SEMA6D: variants seen among roughly 807,000 people sequenced by gnomAD.
The protein encoded by SEMA6D is semaphorin 6D.
In SEMA6D, 35 loss-of-function variants were observed where a neutral mutation model predicts 106.6. That is an observed-to-expected ratio of 0.33 (90% CI 0.25 to 0.44). The LOEUF (loss-of-function observed/expected upper bound fraction) is 0.44. Among genes scored for constraint, SEMA6D ranks in the 20% least tolerant of loss-of-function variants. The pLI, the probability that SEMA6D is intolerant of heterozygous loss-of-function variation, is 1.00. For synonymous variants in SEMA6D, 499 were observed against 487.7 expected, an observed-to-expected ratio of 1.02 and a Z score of -0.31; for missense variants, 1,185 against 1,345.9, an observed-to-expected ratio of 0.88 and a Z score of 1.87.
chr15:47,494,636 G>T (rs1196765953), intron 3 of SEMA6D, among the ~76,000 whole-genome samples: 2 of 149,678 alleles, frequency 1.3e-5, no homozygotes, highest in South Asian at 2.1e-4. Context: ...AGTTGCTGAA[G>T]GATTTGGCAG....
chr15:47,206,506 ATGAAC>A (rs1895074289), intron 1 of SEMA6D, among the ~76,000 whole-genome samples: 1 of 152,160 alleles, frequency 6.6e-6, no homozygotes. Context: ...TCACCCTGAA[ATGAAC>A]TATCAGCTTC....
chr15:47,345,462 G>GT (rs1229979085), intron 1 of SEMA6D, among the ~76,000 whole-genome samples: 1 of 151,926 alleles, frequency 6.6e-6, no homozygotes, highest in African/African-American at 2.4e-5. Context: ...AGAAAGTACA[G>GT]TTTTTTTCAA....
intron 3 of SEMA6D, among the ~76,000 whole-genome samples, chr15:47,552,460 G>A (rs1596303751): frequency 6.7e-6 from 1 of 150,120 alleles, no homozygotes; most frequent in African/African-American, 2.4e-5. Context: ...TCAAGAAAAT[G>A]GCAATGTATG....
intron 1 of SEMA6D, among the ~76,000 whole-genome samples, chr15:47,327,153 C>A (rs912145181): frequency 6.6e-6 from 1 of 152,130 alleles, no homozygotes; most frequent in Non-Finnish European, 1.5e-5. Flanking sequence ...CCTGGCTTCT[C>A]GCTTACTAGG....
chr15:47,293,913 G>A (rs943000859), intron 1 of SEMA6D, among the ~76,000 whole-genome samples: 1 of 152,186 alleles, frequency 6.6e-6, no homozygotes, highest in African/African-American at 2.4e-5. Context: ...TGCATAATGT[G>A]AGCTTTGTCA....
At chr15:47,455,938 A>G (rs900665628) in intron 2 of SEMA6D, among the ~76,000 whole-genome samples, 2 of 151,908 alleles carry the variant, frequency 1.3e-5, no homozygotes, top group African/African-American at 4.8e-5. Flanking sequence ...GGACCCTCAA[A>G]TTCTATAGCT....
chr15:47,398,914 C>T (rs2040307575), intron 1 of SEMA6D, among the ~76,000 whole-genome samples: 1 of 152,132 alleles, frequency 6.6e-6, no homozygotes, highest in African/African-American at 2.4e-5. Flanking sequence ...AGTGAACTTC[C>T]AGCGGCATAA....
intron 1 of SEMA6D, among the ~76,000 whole-genome samples, chr15:47,216,043 C>T (rs918419701): frequency 2.0e-5 from 3 of 152,122 alleles, no homozygotes; most frequent in Admixed American, 6.6e-5. Flanking sequence ...GGATGATACT[C>T]GGTCTAAATT....
At position 47,773,418 on chromosome 15, in the gene SEMA6D, G is replaced by A. The variant is rs2082715192; in HGVS notation, c.*1633G>A. 6.6e-6 allele frequency: 1 copy of A among 152,566 alleles called. No homozygotes were observed. The highest frequency in any genetic ancestry group is 6.5e-5 in the Admixed American group (1 of 15,272). The allele number at this position is 152,566 out of a possible 1,614,324, so 9.5% of individuals were successfully genotyped here. On this transcript the variant is annotated 3_prime_UTR_variant, in exon 19 of 19. Coordinates refer to ENST00000536845, the MANE Select transcript of SEMA6D (RefSeq NM_001358351.3). ...GCAGAAACCACTTACGGCTGATGAT[G>A]CGCAACCCTGCTGACTGTTTCAGTT...
At chr15:47,411,857 C>T (rs2040810270) in intron 1 of SEMA6D, among the ~76,000 whole-genome samples, 1 of 152,106 alleles carries the variant, frequency 6.6e-6, no homozygotes, top group Non-Finnish European at 1.5e-5. Flanking sequence ...AGCCTCATCT[C>T]AAGGTCAATA....
chr15:47,499,711 AG>A (rs1484097903), intron 3 of SEMA6D, among the ~76,000 whole-genome samples: 1 of 152,120 alleles, frequency 6.6e-6, no homozygotes, highest in African/African-American at 2.4e-5. Context: ...TGGAAACAAA[AG>A]GTTCTTTAAA....
At chr15:47,587,778 T>A (rs1049630548) in intron 3 of SEMA6D, among the ~76,000 whole-genome samples, 3 of 104,752 alleles carry the variant, frequency 2.9e-5, no homozygotes, top group African/African-American at 9.8e-5. Flanking sequence ...AAAAACATTT[T>A]TTACTTTTTC....
chr15:47,716,111 G>GA (rs1250629349), upstream of SEMA6D, among the ~76,000 whole-genome samples: 2 of 152,034 alleles, frequency 1.3e-5, no homozygotes, highest in Admixed American at 6.6e-5. Context: ...ATAACAACAG[G>GA]AAAAAAATCA....
At chr15:47,684,825 A>G (rs907568963) in intron 4 of SEMA6D, among the ~76,000 whole-genome samples, 3 of 152,218 alleles carry the variant, frequency 2.0e-5, no homozygotes, top group Non-Finnish European at 2.9e-5. Flanking sequence ...TTTGATAGAA[A>G]AAAATGAAAG....
chr15:47,364,454 T>C (rs1263216003), intron 1 of SEMA6D, among the ~76,000 whole-genome samples: 2 of 152,244 alleles, frequency 1.3e-5, no homozygotes, highest in Non-Finnish European at 1.5e-5. Flanking sequence ...ATAGGCTAGC[T>C]CCAGGGACCT....
chr15:47,673,757 G>C (rs898696077), intron 4 of SEMA6D, among the ~76,000 whole-genome samples: 4 of 152,160 alleles, frequency 2.6e-5, no homozygotes, highest in Middle Eastern at 3.2e-3. Flanking sequence ...AGAGAGACCA[G>C]GGAATTAAGT....
chr15:47,212,706 T>A (rs1205316578), intron 1 of SEMA6D, among the ~76,000 whole-genome samples: 3 of 152,196 alleles, frequency 2.0e-5, no homozygotes, highest in Non-Finnish European at 4.4e-5. Flanking sequence ...TTGCATGTCT[T>A]AATGACATGA....
chr15:47,637,403 G>A (rs147884863), intron 4 of SEMA6D, among the ~76,000 whole-genome samples: 112 of 152,232 alleles, frequency 7.4e-4, no homozygotes, highest in African/African-American at 2.6e-3. Flanking sequence ...CCACTAATCT[G>A]ACTATGTCCT....
At chr15:47,704,526 C>T (rs2078875854) in intron 4 of SEMA6D, among the ~76,000 whole-genome samples, 2 of 152,046 alleles carry the variant, frequency 1.3e-5, no homozygotes, top group African/African-American at 4.8e-5. Context: ...CAAGACCAGC[C>T]TGGGCAACAT....
Sources: gnomAD v4.1 joint callset for allele counts (sites outside exome capture counted in the v4.1 genomes callset) on GRCh38, gnomAD v4.1.1 for gene constraint, MANE v1.5 for transcripts, NCBI Gene and HGNC (gene_info 2026-07-23, HGNC 2026-07-21) for gene names.